Variants in DLG2 observed in about 807,000 individuals in gnomAD.
DLG2 encodes the protein discs large MAGUK scaffold protein 2.
DLG2 carries 45 observed loss-of-function variants against 132.5 expected under a neutral mutation model. The ratio of observed to expected loss-of-function variants is 0.34; its 90% CI spans 0.27 to 0.44. DLG2 has a LOEUF of 0.44. DLG2 is among the 20% of genes least tolerant of loss of function. DLG2 has a pLI of 1.00. For missense variants in DLG2, 1,045 were observed against 1,196.9 expected, an observed-to-expected ratio of 0.87 and a Z score of 1.87; for synonymous variants, 424 against 419.6, an observed-to-expected ratio of 1.01 and a Z score of -0.13.
At chr11:85,155,895 C>A (rs962725926) in intron 4 of DLG2, among the ~76,000 whole-genome samples, 2 of 151,606 alleles carry the variant, frequency 1.3e-5, no homozygotes, top group South Asian at 4.2e-4. Flanking sequence ...CTTTAATGCA[C>A]GTTAATGAGG....
intron 6 of DLG2, among the ~76,000 whole-genome samples, chr11:84,535,976 G>T (rs1456489620): frequency 7.2e-6 from 1 of 139,142 alleles, no homozygotes; most frequent in Non-Finnish European, 1.6e-5. Flanking sequence ...AAACTTCTAG[G>T]ACATCAGCTC....
intron 21 of DLG2, among the ~76,000 whole-genome samples, chr11:83,490,461 TCAC>T (rs1209638311): frequency 1.3e-5 from 2 of 151,998 alleles, no homozygotes; most frequent in African/African-American, 4.8e-5. Context: ...AGTCAGGAAA[TCAC>T]CATTTTGTAA....
At chr11:85,370,690 G>A (rs1037246530) in intron 3 of DLG2, among the ~76,000 whole-genome samples, 10 of 151,982 alleles carry the variant, frequency 6.6e-5, no homozygotes, top group South Asian at 4.2e-4. Context: ...ACAGCCTTCC[G>A]AAAATCAAAC....
At chr11:85,413,181 G>A (rs2089501995) in intron 3 of DLG2, among the ~76,000 whole-genome samples, 2 of 151,770 alleles carry the variant, frequency 1.3e-5, no homozygotes, top group Admixed American at 1.3e-4. Context: ...ATCATTTTGT[G>A]TATGTTTGTT....
At chr11:83,847,211 T>C (rs1009259036) in intron 16 of DLG2, among the ~76,000 whole-genome samples, 1 of 152,164 alleles carries the variant, frequency 6.6e-6, no homozygotes, top group Non-Finnish European at 1.5e-5. Context: ...CATAGTTGTG[T>C]CATTTGTTCT....
chr11:85,144,551 T>A (rs2076718135), intron 5 of DLG2, among the ~76,000 whole-genome samples: 1 of 151,926 alleles, frequency 6.6e-6, no homozygotes. Flanking sequence ...GGTAGTATGT[T>A]CTAATTTCTT....
chr11:84,595,659 T>G (rs1215173241), intron 6 of DLG2, among the ~76,000 whole-genome samples: 1 of 152,302 alleles, frequency 6.6e-6, no homozygotes, highest in African/African-American at 2.4e-5. Context: ...TTTCATAGGT[T>G]ATTACTGTTT....
At chr11:84,259,793 A>C (rs1172242938) in intron 7 of DLG2, among the ~76,000 whole-genome samples, 4 of 152,158 alleles carry the variant, frequency 2.6e-5, no homozygotes, top group Non-Finnish European at 5.9e-5. Context: ...TTCAGATAAC[A>C]AAACTAATAA....
intron 9 of DLG2, among the ~76,000 whole-genome samples, chr11:84,133,194 C>T (rs2094480547): frequency 6.6e-6 from 1 of 151,936 alleles, no homozygotes; most frequent in South Asian, 2.1e-4. Flanking sequence ...AATATGAGGC[C>T]ACAAGAATCA....
intron 16 of DLG2, among the ~76,000 whole-genome samples, chr11:83,837,316 C>G (rs899443599): frequency 6.6e-6 from 1 of 152,280 alleles, no homozygotes; most frequent in Non-Finnish European, 1.5e-5. Context: ...CAGCTCCCCA[C>G]TAGAAAGTGG....
intron 11 of DLG2, among the ~76,000 whole-genome samples, chr11:84,013,704 T>C (rs2095015221): frequency 6.6e-5 from 10 of 151,552 alleles, no homozygotes; most frequent in Admixed American, 6.6e-4. Flanking sequence ...CCATCTCTAC[T>C]AAAAATACAA....
rs1157279223 is a variant in DLG2, at chr11:84,070,289, C to G, written c.750-10805G>C. 3.9e-5 allele frequency among the ~76,000 whole-genome samples: 6 copies of G among 152,262 alleles called. No individual in the cohort carries two copies. In the East Asian group the frequency reaches 1.2e-3, roughly 29 times the overall value. On this transcript the variant is annotated intron_variant, in intron 10 of 27. Coordinates refer to ENST00000376104, the MANE Select transcript of DLG2 (RefSeq NM_001142699.3). The stretch of plus-strand genomic sequence containing the variant: ...CCAGCCAGGACACTATATTTTGTTT[C>G]ATGTTGCTTTCTGTCTCTCAAACGT...
intron 6 of DLG2, among the ~76,000 whole-genome samples, chr11:85,018,461 C>T (rs1216949077): frequency 6.6e-6 from 1 of 152,054 alleles, no homozygotes; most frequent in Non-Finnish European, 1.5e-5. Context: ...AGTTAGAAAG[C>T]TAATGGAAAG....
At chr11:83,652,418 T>C (rs542039397) in intron 18 of DLG2, among the ~76,000 whole-genome samples, 19 of 152,338 alleles carry the variant, frequency 1.2e-4, no homozygotes, top group Admixed American at 9.8e-4. Flanking sequence ...TCACCCAGGC[T>C]GGAGTGCAGT....
At chr11:83,884,186 T>G (rs992197883) in intron 15 of DLG2, among the ~76,000 whole-genome samples, 3 of 152,166 alleles carry the variant, frequency 2.0e-5, no homozygotes, top group African/African-American at 7.2e-5. Context: ...TTTCCTTTCC[T>G]AGTCAAAGAA....
intron 3 of DLG2, among the ~76,000 whole-genome samples, chr11:85,397,411 C>A (rs1003783776): frequency 2.0e-5 from 3 of 152,154 alleles, no homozygotes; most frequent in African/African-American, 7.2e-5. Flanking sequence ...ATGACAAGAT[C>A]AAGTTCAAAC....
chr11:84,070,608 A>G (rs1594622865), intron 10 of DLG2, among the ~76,000 whole-genome samples: 2 of 152,228 alleles, frequency 1.3e-5, no homozygotes, highest in Non-Finnish European at 2.9e-5. Flanking sequence ...ATAATTGTAC[A>G]TTTTCTCAGT....
chr11:84,468,941 T>C (rs1290904697), intron 7 of DLG2, among the ~76,000 whole-genome samples: 1 of 151,466 alleles, frequency 6.6e-6, no homozygotes, highest in African/African-American at 2.4e-5. Flanking sequence ...AGGTAGTAAA[T>C]TCCTAGTTCA....
chr11:83,542,918 G>C (rs2096122645), intron 19 of DLG2, among the ~76,000 whole-genome samples: 1 of 152,060 alleles, frequency 6.6e-6, no homozygotes, highest in African/African-American at 2.4e-5. Context: ...CACTATGTAT[G>C]CAAAACTAGC....
Sources: allele counts gnomAD v4.1 joint callset (sites outside exome capture counted in the v4.1 genomes callset), GRCh38; gene constraint gnomAD v4.1.1; transcripts MANE v1.5; gene names NCBI Gene and HGNC (gene_info 2026-07-23, HGNC 2026-07-21).